ATN1: variants seen among roughly 807,000 people sequenced by gnomAD.
ATN1 encodes atrophin 1.
Under a neutral mutation model 85.8 loss-of-function variants are expected in ATN1, and 19 were observed. That is an observed-to-expected ratio of 0.22 (90% CI 0.15 to 0.32). ATN1 has a LOEUF of 0.32. Ranked by LOEUF, ATN1 falls within the 10% of genes least tolerant of loss-of-function variation. The pLI is 1.00. For synonymous variants in ATN1, 674 were observed against 657.0 expected (o/e 1.03, Z -0.39); for missense variants, 1,453 against 1,564.5 (o/e 0.93, Z 1.20).
chr12:6,925,721 T>C (rs1209734694), upstream of ATN1, among the ~76,000 whole-genome samples: 1 of 152,230 alleles, frequency 6.6e-6, no homozygotes, highest in Non-Finnish European at 1.5e-5. Flanking sequence ...CCCAGAACTT[T>C]GTTGAATCTG....
chr12:6,934,471 C>A lies in ATN1; in HGVS notation c.172C>A (p.Arg58=). The A allele has an allele frequency of 1.3e-6, 2 of 1,592,486 alleles. No homozygotes were observed. Residue 58 remains arginine (R), a synonymous_variant, in exon 4 of 10, where the codon CGA becomes AGA. Transcript: ENST00000396684. This position sits in a 1 kb window ranked among gnomAD's most constrained non-coding sequence, Gnocchi z 4.5. ...EKSRQTAKKA[R]VEEASTPKVN... ...TTCTCTTTCTCTCTAACAGAAGGCC[C>A]GAGTAGAGGAAGCCTCCACCCCAAA...
Position 6,936,302 on chromosome 12 carries a change from C to A in ATN1, c.1035C>A (p.Gly345=), listed in dbSNP as rs782797360. The change falls in exon 5 of 10, where the codon GGC becomes GGA. Residue 345 remains glycine, a synonymous_variant. Coordinates refer to ENST00000396684, the MANE Select transcript of ATN1 (RefSeq NM_001940.4). ...MGQGMGGLPP[G]PEKGPTLAPS... Reference sequence around the variant, plus strand: ...AGGGTATGGGTGGACTTCCTCCTGGCCCAGAGAAGGGCCCAACTCTGGCTC... The same window carrying A: ...AGGGTATGGGTGGACTTCCTCCTGGACCAGAGAAGGGCCCAACTCTGGCTC... The A allele has an allele frequency of 6.2e-7, 1 of 1,613,862 alleles. No homozygotes were observed. The highest frequency in any genetic ancestry group is 8.5e-7 in the Non-Finnish European group (1 of 1,179,854).
In ATN1 at chr12:6,936,629, C is replaced by A. The variant is rs782248103; in HGVS notation, c.1362C>A (p.Asn454Lys). ...CTCCCTATGGCCGCCTCTTAGCCAA[C>A]AGCAATGCCCATCCAGGCCCCTTCC... ...PPPPYGRLLA[N>K]SNAHPGPFPP... The change falls in exon 5 of 10, where the codon AAC becomes AAA. Residue 454 changes from asparagine (N) to lysine (K), a missense_variant. Transcript: ENST00000396684. 7 of 1,613,164 alleles carry A rather than the reference C, an allele frequency of 4.3e-6. No homozygotes were observed. Among genetic ancestry groups the A allele is most frequent in the Non-Finnish European group, 8.5e-7 (1 of 1,179,590 alleles).
At chr12:6,928,824 C>T (rs782205747) in intron 1 of ATN1, among the ~76,000 whole-genome samples, 5 of 152,124 alleles carry the variant, frequency 3.3e-5, no homozygotes, top group Non-Finnish European at 5.9e-5. Flanking sequence ...GAAAAAGCTC[C>T]AAAGGACCAG....
At chr12:6,938,099 C>CT (rs1325731941) in intron 6 of ATN1, 32 bp downstream of exon 6, 3 of 1,520,622 alleles carry the variant, frequency 2.0e-6, no homozygotes, top group Non-Finnish European at 2.6e-6. Flanking sequence ...CCACCGCCTT[C>CT]TTTCCCTCTT....
At position 6,928,065 on chromosome 12, in the gene ATN1, CCGGGCGGCGCGGCGGGGG is replaced by C. The variant is rs1461205696; in HGVS notation, c.-468_-451del. Among the ~76,000 whole-genome samples the C allele has an allele frequency of 1.8e-4, 25 of 142,586 alleles. No individual in the cohort carries two copies. Among genetic ancestry groups the C allele is most frequent in the East Asian group, 8.2e-4 (4 of 4,872 alleles). The allele number at this position is 142,586 out of a possible 152,430, so 93.5% of individuals were successfully genotyped here. A position where few individuals can be genotyped will look rare whatever the true frequency, so the allele number is the denominator to read the frequency against. On this transcript the variant is annotated 5_prime_UTR_variant, in exon 1 of 10. Transcript: ENST00000396684. Reference sequence around the variant, plus strand: ...GCCGAGGGCCGGGCGGGCCGCGGGGCCGGGCGGCGCGGCGGGGGCGGGCGGCGCGGCCCGGGGCATTCC... The same window carrying C: ...GCCGAGGGCCGGGCGGGCCGCGGGGCCGGGCGGCGCGGCCCGGGGCATTCC...
At chr12:6,928,595 G>C (rs1291977264) in intron 1 of ATN1, among the ~76,000 whole-genome samples, 4 of 152,232 alleles carry the variant, frequency 2.6e-5, no homozygotes, top group Non-Finnish European at 4.4e-5. Flanking sequence ...GGAGAGTCGG[G>C]GGCCAGGGTT....
chr12:6,925,109 T>TGC (rs1455296834), upstream of ATN1, among the ~76,000 whole-genome samples: 3 of 130,196 alleles, frequency 2.3e-5, no homozygotes, highest in East Asian at 2.6e-4. Context: ...GCTGTGTGTG[T>TGC]GCGTGTGCGT....
At chr12:6,933,502 G>A (rs1945492214) in intron 1 of ATN1, among the ~76,000 whole-genome samples, 1 of 152,154 alleles carries the variant, frequency 6.6e-6, no homozygotes, top group South Asian at 2.1e-4. Flanking sequence ...ATTTCTTTAT[G>A]TTCCTTTGTA....
chr12:6,929,162 G>T (rs782732035), intron 1 of ATN1, among the ~76,000 whole-genome samples: 5 of 152,250 alleles, frequency 3.3e-5, no homozygotes, highest in East Asian at 3.9e-4. Context: ...AGGAAAACAG[G>T]AACACAGAAG....
chr12:6,932,034 CAAAAAAAAAAAAA>C (rs34374667), intron 1 of ATN1, among the ~76,000 whole-genome samples: 13 of 50,678 alleles, frequency 2.6e-4, no homozygotes, highest in Non-Finnish European at 4.1e-4. Context: ...AACTCTGTCT[CAAAAAAAAAAAAA>C]AAAAAAAAAA....
chr12:6,938,926 C>G lies in ATN1; in HGVS notation c.2963C>G (p.Pro988Arg). The change falls in exon 7 of 10, where the codon CCT (proline) becomes CGT (arginine). Residue 988 changes from proline to arginine, a missense_variant. By Grantham distance (103) the Pro-to-Arg change is moderately radical. Around this residue, in one of 6 missense-constraint regions of ATN1, gnomAD observed 208 missense variants for 263.4 expected, o/e 0.79. Transcript: ENST00000396684. ...CAGCCTGGCCCACCTGGCCTGCACCCTTTCCCCTTTCATCCGAGCCTGGGG... is the reference window on the plus strand; with the variant it reads ...CAGCCTGGCCCACCTGGCCTGCACCGTTTCCCCTTTCATCCGAGCCTGGGG... ...ALQPGPPGLH[P>R]FPFHPSLGPL... 1.2e-6 allele frequency: 2 copies of G among 1,614,054 alleles called. No homozygotes were observed. Among genetic ancestry groups the G allele is most frequent in the African/African-American group, 1.3e-5 (1 of 75,058 alleles).
At position 6,937,878 on chromosome 12, in the gene ATN1, G is replaced by T. The variant is rs1310200542; in HGVS notation, c.2328G>T (p.Ser776=). 12 of 1,588,882 alleles carry T rather than the reference G, an allele frequency of 7.6e-6. No individual in the cohort carries two copies. In the African/African-American group the frequency reaches 1.6e-4, roughly 21 times the overall value. Residue 776 remains serine (S), a synonymous_variant, in exon 6 of 10, where the codon TCG becomes TCT. Coordinates refer to ENST00000396684, the MANE Select transcript of ATN1 (RefSeq NM_001940.4). This position sits in a 1 kb window ranked among gnomAD's most constrained non-coding sequence, Gnocchi z 6.0. ...FNKHLDRGFN[S]CARSDLYFVP... is the part of the protein sequence containing the mutation. Reference sequence around the variant, plus strand: ...AACACCTGGATCGCGGCTTCAACTCGTGCGCGCGCAGCGACCTGTACTTCG... The same window carrying T: ...AACACCTGGATCGCGGCTTCAACTCTTGCGCGCGCAGCGACCTGTACTTCG...
upstream of ATN1, among the ~76,000 whole-genome samples, chr12:6,927,750 C>T (rs910263713): frequency 2.6e-5 from 4 of 151,880 alleles, no homozygotes; most frequent in African/African-American, 9.7e-5. Context: ...CCTTCTCCCT[C>T]TTCCTCCCTT....
In ATN1 at chr12:6,935,748, C is replaced by A; in HGVS notation, c.481C>A (p.Pro161Thr). Reference protein sequence around the residue: ...LSQGPARPYHPPPLFPPSPQP... With the variant: ...LSQGPARPYHTPPLFPPSPQP... ...CCAGGGCCCAGCCCGCCCCTACCAC[C>A]CACCTCCACTCTTTCCTCCTTCCCC... The change falls in exon 5 of 10, where the codon CCA (proline) becomes ACA (threonine). Residue 161 changes from proline (P) to threonine (T), a missense_variant. Coordinates refer to ENST00000396684, the MANE Select transcript of ATN1 (RefSeq NM_001940.4). The surrounding 1 kb of genome is among the most constrained non-coding windows in gnomAD (Gnocchi z 5.3). 6.2e-7 allele frequency: 1 copy of A among 1,613,890 alleles called. No individual in the cohort carries two copies. The highest frequency in any genetic ancestry group is 8.5e-7 in the Non-Finnish European group (1 of 1,179,870).
At position 6,936,765 on chromosome 12, in the gene ATN1, CAGCAGCAGCAT is replaced by C. The variant is rs1555143790; in HGVS notation, c.1499_1509del (p.Gln500ProfsTer20). The stretch of plus-strand genomic sequence containing the variant: ...GCAGCAGCAGCAGCAGCAGCAGCAG[CAGCAGCAGCAT>C]CACGGAAACTCTGGGCCCCCTCCTC... On this transcript the variant is annotated frameshift_variant, in exon 5 of 10. Coordinates refer to ENST00000396684, the MANE Select transcript of ATN1 (RefSeq NM_001940.4). LOFTEE classifies it high-confidence loss of function. The C allele has an allele frequency of 8.2e-5, 117 of 1,419,412 alleles. No individual in the cohort carries two copies. The highest frequency in any genetic ancestry group is 1.1e-4 in the Non-Finnish European group (111 of 1,025,558). The allele number at this position is 1,419,412 out of a possible 1,614,324, so 87.9% of individuals were successfully genotyped here. A position where few individuals can be genotyped will look rare whatever the true frequency, so the allele number is the denominator to read the frequency against.
rs782115453 is a variant in ATN1 at position 6,941,806 on chromosome 12, G to T, written c.*26G>T. On this transcript the variant is annotated 3_prime_UTR_variant, in exon 10 of 10. Transcript: ENST00000396684. The surrounding 1 kb of genome is among the most constrained non-coding windows in gnomAD (Gnocchi z 5.9). ...AACCTGCGATCAAGAGAGCACCATG[G>T]CTCCTACATTGGACCTTGGAGCACC... 1.9e-6 allele frequency: 3 copies of T among 1,613,320 alleles called. No homozygotes were observed. The highest frequency in any genetic ancestry group is 2.5e-6 in the Non-Finnish European group (3 of 1,179,346).
chr12:6,940,313 T>C (rs1945618356), intron 7 of ATN1, among the ~76,000 whole-genome samples: 1 of 152,128 alleles, frequency 6.6e-6, no homozygotes, highest in Non-Finnish European at 1.5e-5. Flanking sequence ...TTGCCCAGAC[T>C]GGAGTGCAGT....
Position 6,934,414 on chromosome 12 carries a change from G to A in ATN1, c.166-51G>A, listed in dbSNP as rs1216258415. ...TTCCTGTTTGGCAGAGGGTAACGGTGGAGCTCGGGAGGTAGGGAAAAGACA... is the reference window on the plus strand; with the variant it reads ...TTCCTGTTTGGCAGAGGGTAACGGTAGAGCTCGGGAGGTAGGGAAAAGACA... On this transcript the variant is annotated intron_variant, in intron 3 of 9. Transcript: ENST00000396684. The surrounding 1 kb of genome is among the most constrained non-coding windows in gnomAD (Gnocchi z 4.5). The A allele has an allele frequency of 2.5e-6, 4 of 1,607,570 alleles. No individual in the cohort carries two copies. The highest frequency in any genetic ancestry group is 3.4e-6 in the Non-Finnish European group (4 of 1,176,274).
Sources: gnomAD v4.1 joint callset for allele counts (sites outside exome capture counted in the v4.1 genomes callset) on GRCh38, gnomAD v4.1.1 for gene constraint, gnomAD v4.1.1 regional missense constraint, Gnocchi (gnomAD v3.1) non-coding constraint, MANE v1.5 for transcripts, NCBI Gene and HGNC (gene_info 2026-07-23, HGNC 2026-07-21) for gene names.